Variants in PDS5A observed in about 807,000 individuals in gnomAD.
PDS5A encodes sister chromatid cohesion protein PDS5 homolog A.
In PDS5A, 42 loss-of-function variants were observed where a neutral mutation model predicts 167.1. That is an observed-to-expected ratio of 0.25 (90% confidence interval 0.20 to 0.33). The LOEUF is 0.33. Among genes scored for constraint, PDS5A ranks in the 10% least tolerant of loss-of-function variants. The pLI is 1.00. For missense variants in PDS5A, 1,033 were observed against 1,605.9 expected (o/e 0.64, Z 6.10); for synonymous variants, 553 against 554.6 (o/e 1.00, Z 0.04).
intron 17 of PDS5A, among the ~76,000 whole-genome samples, chr4:39,881,927 T>A (rs927795008): frequency 1.3e-5 from 2 of 152,168 alleles, no homozygotes; most frequent in African/African-American, 4.8e-5. Flanking sequence ...ACTGAATAAA[T>A]CTCAGGAGAT....
intron 2 of PDS5A, among the ~76,000 whole-genome samples, chr4:39,959,601 G>A (rs1729288864): frequency 6.6e-6 from 1 of 152,036 alleles, no homozygotes; most frequent in South Asian, 2.1e-4. Flanking sequence ...GCCTCCCAAA[G>A]TGCTGGGATC....
At chr4:39,856,772 C>T (rs977812776) in intron 26 of PDS5A, among the ~76,000 whole-genome samples, 7 of 151,972 alleles carry the variant, frequency 4.6e-5, no homozygotes, top group Admixed American at 1.3e-4. Flanking sequence ...GCCAAGATCA[C>T]GCCACCGCAC....
chr4:39,932,254 G>T (rs1354620731), intron 2 of PDS5A, among the ~76,000 whole-genome samples: 1 of 152,162 alleles, frequency 6.6e-6, no homozygotes, highest in Non-Finnish European at 1.5e-5. Flanking sequence ...GGCCTGATAA[G>T]CATTTGTACG....
chr4:39,926,891 A>G (rs1471180349), intron 3 of PDS5A, 30 bp from the exon 4 acceptor site: 2 of 1,369,146 alleles, frequency 1.5e-6, no homozygotes, highest in Non-Finnish European at 1.9e-6. Flanking sequence ...ATTAATTTAG[A>G]CACAAATACT....
intron 10 of PDS5A, among the ~76,000 whole-genome samples, chr4:39,909,856 CAT>C (rs758543441): frequency 3.9e-5 from 6 of 152,128 alleles, no homozygotes; most frequent in African/African-American, 9.7e-5. Context: ...ATTAAATAGA[CAT>C]AATGATTTCT....
intron 19 of PDS5A, among the ~76,000 whole-genome samples, chr4:39,875,578 G>C (rs1720395728): frequency 6.6e-6 from 1 of 152,158 alleles, no homozygotes; most frequent in Admixed American, 6.5e-5. Context: ...TCCAGGCCAT[G>C]CACTTTAACC....
intron 2 of PDS5A, among the ~76,000 whole-genome samples, chr4:39,947,183 GTGGT>G (rs2109778870): frequency 6.6e-6 from 1 of 152,276 alleles, no homozygotes; most frequent in African/African-American, 2.4e-5. Flanking sequence ...ACCAGGCATG[GTGGT>G]TCACGCCTGT....
In PDS5A at chr4:39,837,845, GC is replaced by G; in HGVS notation, c.4010+10del. Reference sequence around the variant, plus strand: ...CTAAATTCCCACTTGAGGAAGAATGGCGTACATTACCTTTGTAAGTCAATTT... The same window carrying G: ...CTAAATTCCCACTTGAGGAAGAATGGGTACATTACCTTTGTAAGTCAATTT... On this transcript the variant is annotated intron_variant, in intron 32 of 32. Transcript: ENST00000303538. 6.3e-7 allele frequency: 1 copy of G among 1,577,858 alleles called. No individual in the cohort carries two copies. Among genetic ancestry groups the G allele is most frequent in the Non-Finnish European group, 8.6e-7 (1 of 1,157,206 alleles).
Position 39,977,572 on chromosome 4 carries a change from C to CCGT in PDS5A, c.-157_-156insACG, listed in dbSNP as rs1208523720. ...GGCTCCGCGGGTCCCGCCGCCGCCG[C>CCGT]CGCCGCCGCCCGCCCGCCCGGGAGC... On this transcript the variant is annotated 5_prime_UTR_variant, in exon 1 of 33. Coordinates refer to ENST00000303538, the MANE Select transcript of PDS5A (RefSeq NM_001100399.2). This position sits in a 1 kb window ranked among gnomAD's most constrained non-coding sequence, Gnocchi z 4.2. 6.2e-6 allele frequency: 1 copy of CCGT among 162,344 alleles called. No homozygotes were observed. Among genetic ancestry groups the CCGT allele is most frequent in the African/African-American group, 2.4e-5 (1 of 41,388 alleles). The allele number at this position is 162,344 out of a possible 1,614,324, so 10.1% of individuals were successfully genotyped here.
At chr4:39,935,234 G>A (rs1726482847) in intron 2 of PDS5A, among the ~76,000 whole-genome samples, 1 of 152,118 alleles carries the variant, frequency 6.6e-6, no homozygotes, top group African/African-American at 2.4e-5. Context: ...AGCCTCCCAA[G>A]TAGCTGGGAT....
intron 2 of PDS5A, among the ~76,000 whole-genome samples, chr4:39,949,382 C>A (rs1419311586): frequency 6.7e-6 from 1 of 150,346 alleles, no homozygotes; most frequent in African/African-American, 2.4e-5. Flanking sequence ...CCACAACAGA[C>A]CACTTGCTTA....
chr4:39,902,686 C>A (rs527904659), intron 12 of PDS5A, among the ~76,000 whole-genome samples: 1 of 152,102 alleles, frequency 6.6e-6, no homozygotes, highest in Non-Finnish European at 1.5e-5. Context: ...CCATGCCCAG[C>A]TAATTTTTAT....
chr4:39,900,407 A>G lies in PDS5A; in HGVS notation c.1581+19T>C. 6.7e-7 allele frequency: 1 copy of G among 1,497,468 alleles called. No homozygotes were observed. The highest frequency in any genetic ancestry group is 9.2e-7 in the Non-Finnish European group (1 of 1,092,848). The allele number at this position is 1,497,468 out of a possible 1,614,324, so 92.8% of individuals were successfully genotyped here. A position where few individuals can be genotyped will look rare whatever the true frequency, so the allele number is the denominator to read the frequency against. On this transcript the variant is annotated intron_variant, in intron 14 of 32. Coordinates refer to ENST00000303538, the MANE Select transcript of PDS5A (RefSeq NM_001100399.2). ...AGTGACTATAATAAACTATGAATTT[A>G]AACAAATCATGAACCTACTGTAGGC...
In PDS5A at chr4:39,849,570, T is replaced by C. The variant is rs1204781382; in HGVS notation, c.3169A>G (p.Ile1057Val). The change falls in exon 27 of 33, where the codon ATC becomes GTC. Residue 1057 changes from isoleucine to valine, a missense_variant. Ile to Val is a conservative substitution (Grantham distance 29). Around this residue, in one of 4 missense-constraint regions of PDS5A, gnomAD observed 367 missense variants for 686.7 expected, o/e 0.53. Coordinates refer to ENST00000303538, the MANE Select transcript of PDS5A (RefSeq NM_001100399.2). ...HAFMKKMAENIKLTRDAQSPD... is the reference protein window; with the variant it reads ...HAFMKKMAENVKLTRDAQSPD... The stretch of plus-strand genomic sequence containing the variant: ...GACTGGGCATCTCTGGTTAACTTGA[T>C]GTTCTCTGCCATCTTCTTCATAAAG... 1.2e-6 allele frequency: 2 copies of C among 1,611,304 alleles called. No individual in the cohort carries two copies. The highest frequency in any genetic ancestry group is 4.5e-5 in the East Asian group (2 of 44,812).
intron 31 of PDS5A, among the ~76,000 whole-genome samples, chr4:39,838,747 C>T (rs545641856): frequency 2.9e-4 from 44 of 152,034 alleles, no homozygotes; most frequent in African/African-American, 9.9e-4. Context: ...AAGCCCGGCA[C>T]GGTGCCTCAC....
At chr4:39,900,827 A>C (rs934513178) in intron 13 of PDS5A, among the ~76,000 whole-genome samples, 1 of 152,198 alleles carries the variant, frequency 6.6e-6, no homozygotes, top group African/African-American at 2.4e-5. Context: ...GACATAAAAC[A>C]AACTGAAAAA....
chr4:39,894,027 A>G lies in PDS5A; in HGVS notation c.1771-3663T>C, dbSNP rs538460955. Among the ~76,000 whole-genome samples, 3 of 152,356 alleles carry G rather than the reference A, an allele frequency of 2.0e-5. No individual in the cohort carries two copies. In the South Asian group the frequency reaches 6.2e-4, roughly 32 times the overall value. On this transcript the variant is annotated intron_variant, in intron 16 of 32. Transcript: ENST00000303538. ...CTAATTATAATAGTAGATTCTCTGC[A>G]GGACACAGTACTCTGGAACTAGAAT... is the stretch of plus-strand genomic sequence containing the variant.
intron 2 of PDS5A, among the ~76,000 whole-genome samples, chr4:39,937,439 G>A (rs368016446): frequency 6.6e-6 from 1 of 152,050 alleles, no homozygotes; most frequent in Non-Finnish European, 1.5e-5. Flanking sequence ...TTTGAGAAAG[G>A]TTCTCACTTT....
At chr4:39,927,208 T>C (rs1398715305) in intron 3 of PDS5A, among the ~76,000 whole-genome samples, 5 of 152,182 alleles carry the variant, frequency 3.3e-5, no homozygotes, top group East Asian at 1.9e-4. Flanking sequence ...TTTTAAGGAG[T>C]TGGATATGAG....
Sources: allele counts gnomAD v4.1 joint callset (sites outside exome capture counted in the v4.1 genomes callset), GRCh38; gene constraint gnomAD v4.1.1; regional missense constraint gnomAD v4.1.1; non-coding constraint Gnocchi (gnomAD v3.1); transcripts MANE v1.5; gene names NCBI Gene and HGNC (gene_info 2026-07-23, HGNC 2026-07-21).